GTF2IRD2B: variants seen among roughly 807,000 people sequenced by gnomAD.
GTF2IRD2B encodes the protein general transcription factor II-I repeat domain-containing protein 2B.
Under a neutral mutation model 55.6 loss-of-function variants are expected in GTF2IRD2B, and 10 were observed. The observed-to-expected ratio is 0.18, with a 90% confidence interval of 0.11 to 0.31. GTF2IRD2B has a LOEUF of 0.31. GTF2IRD2B is among the 10% of genes least tolerant of loss of function. The pLI, the probability that GTF2IRD2B is intolerant of heterozygous loss-of-function variation, is 1.00. For missense variants in GTF2IRD2B, 206 were observed against 802.7 expected (o/e 0.26, Z 8.98); for synonymous variants, 107 against 320.5 (o/e 0.33, Z 7.12).
At chr7:75,130,667 G>A (rs1294759995) in intron 8 of GTF2IRD2B, among the ~76,000 whole-genome samples, 4 of 146,584 alleles carry the variant, frequency 2.7e-5, no homozygotes, top group Admixed American at 1.4e-4. Context: ...TAATAGAGAC[G>A]GGGTTTCACC....
intron 1 of GTF2IRD2B, among the ~76,000 whole-genome samples, chr7:75,107,001 A>G (rs2115710656): frequency 6.6e-6 from 1 of 151,900 alleles, no homozygotes; most frequent in African/African-American, 2.4e-5. Context: ...AGGAGACAGA[A>G]GTCCGAAGGG....
At chr7:75,117,703 C>T (rs1202989621) in intron 3 of GTF2IRD2B, among the ~76,000 whole-genome samples, 3 of 152,298 alleles carry the variant, frequency 2.0e-5, no homozygotes, top group South Asian at 2.1e-4. Flanking sequence ...CCTGCCTGGG[C>T]AACATGGCAA....
At chr7:75,123,819 A>C (rs1808463877) in intron 6 of GTF2IRD2B, 2 of 400,102 alleles carry the variant, frequency 5.0e-6, no homozygotes, top group Admixed American at 7.2e-5. Context: ...TGGAGCTTGC[A>C]GTGAGCGGAG....
intron 4 of GTF2IRD2B, among the ~76,000 whole-genome samples, chr7:75,121,704 C>T (rs1808374481): frequency 6.6e-6 from 1 of 151,752 alleles, no homozygotes; most frequent in Non-Finnish European, 1.5e-5. Flanking sequence ...GGTGATCCTC[C>T]TGCCTTGGCC....
intron 2 of GTF2IRD2B, among the ~76,000 whole-genome samples, chr7:75,111,093 CAA>C (rs1317548496): frequency 1.2e-4 from 11 of 90,604 alleles, no homozygotes; most frequent in Admixed American, 3.6e-4. Context: ...GGCTCCGTCT[CAA>C]AAAAAAAAAA....
chr7:75,127,468 CAAAAAAA>C (rs71246071), intron 8 of GTF2IRD2B, among the ~76,000 whole-genome samples: 8 of 33,194 alleles, frequency 2.4e-4, no homozygotes, highest in East Asian at 8.1e-4. Context: ...GACGTTGTCT[CAAAAAAA>C]AAAAAAAAAA....
At chr7:75,104,305 G>A (rs1554421511) in intron 1 of GTF2IRD2B, among the ~76,000 whole-genome samples, 3,399 of 141,902 alleles carry the variant, frequency 0.024, no homozygotes, top group African/African-American at 0.1. Context: ...AGTAGAGAAG[G>A]GGGGGGTCTC....
chr7:75,130,092 T>C (rs1554452776), intron 8 of GTF2IRD2B, among the ~76,000 whole-genome samples: 5 of 35,596 alleles, frequency 1.4e-4, no homozygotes, highest in East Asian at 8.3e-4. Flanking sequence ...ATTTATTTTC[T>C]CTTTCTTTCT....
intron 1 of GTF2IRD2B, among the ~76,000 whole-genome samples, chr7:75,097,661 G>T (rs1300160024): frequency 1.4e-5 from 2 of 144,692 alleles, no homozygotes; most frequent in Non-Finnish European, 3.0e-5. Context: ...GGGACATGGG[G>T]TCTTTGTCAC....
At chr7:75,130,901 G>GT (rs1554452895) in intron 8 of GTF2IRD2B, among the ~76,000 whole-genome samples, 1 of 52,152 alleles carries the variant, frequency 1.9e-5, no homozygotes. Flanking sequence ...CTATGCCACA[G>GT]TTTTTTTGTT....
intron 1 of GTF2IRD2B, among the ~76,000 whole-genome samples, chr7:75,106,875 T>C (rs1386793422): frequency 7.2e-6 from 1 of 139,582 alleles, no homozygotes; most frequent in Non-Finnish European, 1.6e-5. Flanking sequence ...CAGTGAGCCA[T>C]GATTGTGCCA....
chr7:75,146,048 A>T (rs1180950105), intron 15 of GTF2IRD2B, among the ~76,000 whole-genome samples: 39 of 62,902 alleles, frequency 6.2e-4, no homozygotes, highest in South Asian at 1.1e-3. Flanking sequence ...TTGTAGAGAC[A>T]GGGTCTCACT....
At position 75,115,723 on chromosome 7, in the gene GTF2IRD2B, G is replaced by A. The variant is rs1266231254; in HGVS notation, c.238+3188G>A. Among the ~76,000 whole-genome samples, 14 of 148,932 alleles carry A rather than the reference G, an allele frequency of 9.4e-5. 1 individual carries two copies. The highest frequency in any genetic ancestry group is 3.2e-4 in the African/African-American group (13 of 40,414). ...TTCTGGGATTACAGGGTGAGCCACC[G>A]CGCCCAGCCCCATGTGAATTTTAGA... is the stretch of plus-strand genomic sequence containing the variant. On this transcript the variant is annotated intron_variant, in intron 3 of 15. Coordinates refer to ENST00000472837, the MANE Select transcript of GTF2IRD2B (RefSeq NM_001003795.3).
At chr7:75,147,411 C>T (rs1554533035) in intron 15 of GTF2IRD2B, among the ~76,000 whole-genome samples, 4 of 151,918 alleles carry the variant, frequency 2.6e-5, no homozygotes, top group Non-Finnish European at 4.4e-5. Flanking sequence ...GCAGCCTGGG[C>T]GACAGAGCAA....
chr7:75,117,318 G>A (rs1282779375), intron 3 of GTF2IRD2B, among the ~76,000 whole-genome samples: 4 of 152,054 alleles, frequency 2.6e-5, no homozygotes, highest in African/African-American at 9.7e-5. Flanking sequence ...TGGTCAACAT[G>A]GGAAAACCCC....
At chr7:75,136,394 G>A (rs1187408231) in intron 10 of GTF2IRD2B, among the ~76,000 whole-genome samples, 71 of 147,356 alleles carry the variant, frequency 4.8e-4, no homozygotes, top group African/African-American at 1.5e-3. Context: ...TCCACCTCCC[G>A]GGCTGAAGCA....
rs80316308 is a variant in GTF2IRD2B, at chr7:75,134,965, T to A, written c.749-36T>A. ...GTGATTTCTTTTTACATTTTTGTATTTCTCCTTTGTTATATATTATTTATT... is the reference window on the plus strand; with the variant it reads ...GTGATTTCTTTTTACATTTTTGTATATCTCCTTTGTTATATATTATTTATT... On this transcript the variant is annotated intron_variant, in intron 9 of 15. Transcript: ENST00000472837. 3,428 of 861,722 alleles carry A rather than the reference T, an allele frequency of 4.0e-3. 49 individuals carry two copies. The East Asian group carries it at 0.041, about 10-fold the overall frequency. The allele number at this position is 861,722 out of a possible 1,614,324, so 53.4% of individuals were successfully genotyped here.
In GTF2IRD2B at chr7:75,112,400, A is replaced by G. The variant is rs1807999808; in HGVS notation, c.103A>G (p.Lys35Glu). The G allele has an allele frequency of 2.0e-6, 1 of 500,958 alleles. No homozygotes were observed. Among genetic ancestry groups the G allele is most frequent in the African/African-American group, 4.5e-5 (1 of 22,328 alleles). 31.0% of individuals were successfully genotyped at this position (500,958 alleles called of 1,614,324 possible). A position where few individuals can be genotyped will look rare whatever the true frequency, so the allele number is the denominator to read the frequency against. ...TCGCTTTTTGTTTCTGTTTCAGTGT[A>G]AAGAACTGGCCAAGTCCAAGGCAGA... Reference protein sequence around the residue: ...FLVSALESMCKELAKSKAEVA... With the variant: ...FLVSALESMCEELAKSKAEVA... Residue 35 changes from lysine (K) to glutamate (E), a missense_variant, in exon 3 of 16, where the codon AAA becomes GAA. Transcript: ENST00000472837.
chr7:75,123,825 C>T (rs1283621808), intron 6 of GTF2IRD2B: 4 of 388,840 alleles, frequency 1.0e-5, no homozygotes, highest in East Asian at 6.1e-5. Flanking sequence ...TTGCAGTGAG[C>T]GGAGATCGCG....
Sources: gnomAD v4.1 joint callset for allele counts (sites outside exome capture counted in the v4.1 genomes callset) on GRCh38, gnomAD v4.1.1 for gene constraint, MANE v1.5 for transcripts, NCBI Gene and HGNC (gene_info 2026-07-23, HGNC 2026-07-21) for gene names.